GATAD2A: variants seen among roughly 807,000 people sequenced by gnomAD.
GATAD2A encodes GATA zinc finger domain containing 2A, also known as transcriptional repressor p66-alpha.
A neutral mutation model predicts 68.5 loss-of-function variants in GATAD2A; 12 were observed. The observed-to-expected ratio is 0.18, with a 90% CI of 0.11 to 0.28. The LOEUF (loss-of-function observed/expected upper bound fraction) is 0.28, where lower values mean the gene tolerates loss of function less well. GATAD2A is among the 10% of genes least tolerant of loss of function. The pLI, the probability that GATAD2A is intolerant of heterozygous loss-of-function variation, is 1.00. For missense variants in GATAD2A, 755 were observed against 868.5 expected (o/e 0.87, Z 1.64); for synonymous variants, 410 against 375.3 (o/e 1.09, Z -1.07).
chr19:19,498,829 C>T (rs968234366), intron 8 of GATAD2A, 107 bp downstream of exon 8: 4 of 960,102 alleles, frequency 4.2e-6, no homozygotes, highest in Non-Finnish European at 4.8e-6. Flanking sequence ...GGCTGCCTAG[C>T]CAGGATGGTC....
At chr19:19,474,073 C>T (rs777298219) in intron 2 of GATAD2A, 46 of 984,714 alleles carry the variant, frequency 4.7e-5, no homozygotes, top group Non-Finnish European at 5.4e-5. Flanking sequence ...GGAGTGTGGA[C>T]GGCTTTGTTT....
chr19:19,447,523 G>A (rs905247178), intron 1 of GATAD2A, among the ~76,000 whole-genome samples: 1 of 152,234 alleles, frequency 6.6e-6, no homozygotes, highest in Non-Finnish European at 1.5e-5. Flanking sequence ...CACCCCTGAG[G>A]GGAAGAGTTC....
chr19:19,410,246 T>C (rs1204051432), intron 1 of GATAD2A, among the ~76,000 whole-genome samples: 3 of 150,236 alleles, frequency 2.0e-5, no homozygotes, highest in Non-Finnish European at 2.9e-5. Context: ...TGCTGGAGGC[T>C]AGCTTCTGAG....
At chr19:19,405,237 C>G (rs1265609535), upstream of GATAD2A, among the ~76,000 whole-genome samples, 1 of 152,226 alleles carries the variant, frequency 6.6e-6, no homozygotes, top group Admixed American at 6.5e-5. Context: ...ACACCCCGCC[C>G]TCCCCACAGA....
intron 1 of GATAD2A, among the ~76,000 whole-genome samples, chr19:19,462,568 A>G: frequency 6.6e-6 from 1 of 152,218 alleles, no homozygotes; most frequent in East Asian, 1.9e-4. Context: ...CTTAGGCTTC[A>G]TAGTGAGCTG....
intron 2 of GATAD2A, among the ~76,000 whole-genome samples, chr19:19,490,955 G>T (rs2059753768): frequency 6.6e-6 from 1 of 152,210 alleles, no homozygotes; most frequent in South Asian, 2.1e-4. Context: ...TCAGCAAATG[G>T]AGCTGCTTGG....
intron 7 of GATAD2A, among the ~76,000 whole-genome samples, chr19:19,498,176 T>C (rs2060274103): frequency 6.6e-6 from 1 of 152,162 alleles, no homozygotes; most frequent in Admixed American, 6.5e-5. Context: ...AAACTATAGA[T>C]TTTAAGTGTG....
rs144616739 is a variant in GATAD2A at position 19,397,391 on chromosome 19, A to G, written c.-7+11253A>G. Among the ~76,000 whole-genome samples, 1,044 of 152,024 alleles carry G rather than the reference A, an allele frequency of 6.9e-3. 9 individuals carry two copies. The highest frequency in any genetic ancestry group is 0.011 in the Non-Finnish European group (744 of 67,962). Reference sequence around the variant, plus strand: ...AGAATGAGTAATGTGTAATGAGGCTAATTATATATTTTTAGTAGAGATGGG... The same window carrying G: ...AGAATGAGTAATGTGTAATGAGGCTGATTATATATTTTTAGTAGAGATGGG... On this transcript the variant is annotated intron_variant, in intron 1 of 11. Transcript: ENST00000360315.
intron 1 of GATAD2A, chr19:19,464,598 G>C (rs1404849531): frequency 6.6e-6 from 1 of 152,370 alleles, no homozygotes; most frequent in South Asian, 2.1e-4. Context: ...CCTGGGAAGG[G>C]TCATGTGGAG....
chr19:19,440,120 C>A (rs1442870085), intron 1 of GATAD2A: 1 of 406,802 alleles, frequency 2.5e-6, no homozygotes, highest in Admixed American at 3.0e-5. Flanking sequence ...GTGATGTCTT[C>A]ATTTGTGGTG....
chr19:19,453,822 C>T (rs187549662), intron 1 of GATAD2A, among the ~76,000 whole-genome samples: 1 of 151,856 alleles, frequency 6.6e-6, no homozygotes, highest in Non-Finnish European at 1.5e-5. Context: ...CGCCACCACA[C>T]CTGGCTAATT....
intron 1 of GATAD2A, among the ~76,000 whole-genome samples, chr19:19,453,517 A>G (rs2056602618): frequency 6.6e-6 from 1 of 152,068 alleles, no homozygotes; most frequent in Non-Finnish European, 1.5e-5. Flanking sequence ...CCCCCCACAT[A>G]CAAGGTCTTG....
chr19:19,489,603 G>C (rs746521518), intron 2 of GATAD2A, among the ~76,000 whole-genome samples: 4 of 152,256 alleles, frequency 2.6e-5, no homozygotes, highest in African/African-American at 9.6e-5. Flanking sequence ...GGGCAGAGCA[G>C]CCCTCTCAGG....
chr19:19,405,104 C>T (rs1200482400), upstream of GATAD2A, among the ~76,000 whole-genome samples: 1 of 152,080 alleles, frequency 6.6e-6, no homozygotes, highest in African/African-American at 2.4e-5. Context: ...GGCACGAGGG[C>T]AGATTGGGAG....
In GATAD2A at chr19:19,473,996, A is replaced by G. The variant is rs1055840018; in HGVS notation, c.269+8382A>G. 3 of 980,682 alleles carry G rather than the reference A, an allele frequency of 3.1e-6. No homozygotes were observed. The African/African-American group carries it at 5.2e-5, about 17-fold the overall frequency. The allele number at this position is 980,682 out of a possible 1,614,324, so 60.7% of individuals were successfully genotyped here. ...ACACCCAAGCCTTCCAAAACCAAAAACAAATCAGAAAGTAATGTGATATTG... is the reference window on the plus strand; with the variant it reads ...ACACCCAAGCCTTCCAAAACCAAAAGCAAATCAGAAAGTAATGTGATATTG... On this transcript the variant is annotated intron_variant, in intron 2 of 11. Transcript: ENST00000683918.
At chr19:19,480,802 C>G (rs998570607) in intron 2 of GATAD2A, among the ~76,000 whole-genome samples, 6 of 152,174 alleles carry the variant, frequency 3.9e-5, no homozygotes, top group Non-Finnish European at 5.9e-5. Flanking sequence ...TGGAGCAGGT[C>G]TGATTGGGTT....
intron 5 of GATAD2A, among the ~76,000 whole-genome samples, chr19:19,495,390 C>T (rs1301701341): frequency 6.6e-6 from 1 of 151,172 alleles, no homozygotes; most frequent in Non-Finnish European, 1.5e-5. Flanking sequence ...GTCACTGCAA[C>T]CTCCGCCTCC....
Position 19,496,257 on chromosome 19 carries a change from G to A in GATAD2A, c.924+38G>A, listed in dbSNP as rs780124023. 3.8e-6 allele frequency: 6 copies of A among 1,577,988 alleles called. No individual in the cohort carries two copies. The African/African-American group carries it at 6.7e-5, about 18-fold the overall frequency. ...CCACACTGTGCCAGGGAGAGTGTGT[G>A]TCCCACCTGTGACTGCTCCCCTTGG... On this transcript the variant is annotated intron_variant, in intron 7 of 11. Transcript: ENST00000683918.
chr19:19,455,585 A>T (rs189151295), intron 1 of GATAD2A, among the ~76,000 whole-genome samples: 1 of 152,338 alleles, frequency 6.6e-6, no homozygotes, highest in Admixed American at 6.5e-5. Flanking sequence ...ACAGCTGTTT[A>T]TGTAGCATTT....
Sources: allele counts gnomAD v4.1 joint callset (sites outside exome capture counted in the v4.1 genomes callset), GRCh38; gene constraint gnomAD v4.1.1; transcripts MANE v1.5; gene names NCBI Gene and HGNC (gene_info 2026-07-23, HGNC 2026-07-21).